SORL1: variants seen among roughly 807,000 people sequenced by gnomAD.
SORL1 encodes the protein sortilin related receptor 1.
In SORL1, 127 loss-of-function variants were observed where a neutral mutation model predicts 273.7. The observed-to-expected ratio is 0.46, with a 90% CI of 0.40 to 0.54. The LOEUF is 0.54. SORL1 is among the 20% of genes least tolerant of loss of function. The pLI, the probability that SORL1 is intolerant of heterozygous loss-of-function variation, is 0.00. For missense variants in SORL1, 2,494 were observed against 2,846.1 expected, an observed-to-expected ratio of 0.88 and a Z score of 2.81; for synonymous variants, 1,031 against 1,067.4, an observed-to-expected ratio of 0.97 and a Z score of 0.66.
Position 121,627,251 on chromosome 11 carries a change from A to G in SORL1, c.6365-304A>G, listed in dbSNP as rs1221970466. On this transcript the variant is annotated intron_variant, in intron 46 of 47. Coordinates refer to ENST00000260197, the MANE Select transcript of SORL1 (RefSeq NM_003105.6). This position sits in a 1 kb window ranked among gnomAD's most constrained non-coding sequence, Gnocchi z 4.9. ...TTAAGTAATAATGCTAATGAAATCA[A>G]TGTTGATACCCCAACAAAGGTCTCC... The G allele has an allele frequency of 1.9e-5, 7 of 360,772 alleles. No homozygotes were observed. The highest frequency in any genetic ancestry group is 4.4e-5 in the Admixed American group (1 of 22,658). 22.3% of individuals were successfully genotyped at this position (360,772 alleles called of 1,614,324 possible). A position where few individuals can be genotyped will look rare whatever the true frequency, so the allele number is the denominator to read the frequency against.
chr11:121,608,523 C>T (rs942759344), intron 38 of SORL1: 1 of 253,086 alleles, frequency 4.0e-6, no homozygotes, highest in Non-Finnish European at 7.6e-6. Flanking sequence ...TGTGCATGTT[C>T]ACTTACGGGG....
Position 121,630,206 on chromosome 11 carries a change from T to C in SORL1, c.*643T>C, listed in dbSNP as rs1863855235. On this transcript the variant is annotated 3_prime_UTR_variant, in exon 48 of 48. Transcript: ENST00000260197. Reference sequence around the variant, plus strand: ...TATTCACTTGTGTGTCATGTAATGGTCTTTGGCAGGAGAGAGCACTGAGTC... The same window carrying C: ...TATTCACTTGTGTGTCATGTAATGGCCTTTGGCAGGAGAGAGCACTGAGTC... The C allele has an allele frequency of 6.6e-6, 1 of 152,504 alleles. No homozygotes were observed. Among genetic ancestry groups the C allele is most frequent in the African/African-American group, 2.4e-5 (1 of 41,436 alleles). The allele number at this position is 152,504 out of a possible 1,614,324, so 9.4% of individuals were successfully genotyped here.
At chr11:121,477,412 C>T (rs1262144285) in intron 2 of SORL1, among the ~76,000 whole-genome samples, 1 of 152,218 alleles carries the variant, frequency 6.6e-6, no homozygotes, top group African/African-American at 2.4e-5. Context: ...CAAAACAAAT[C>T]CTCCGTTCCA....
chr11:121,554,556 C>T lies in SORL1; in HGVS notation c.2439+447C>T, dbSNP rs1296680987. 6.6e-6 allele frequency among the ~76,000 whole-genome samples: 1 copy of T among 152,218 alleles called. No homozygotes were observed. The highest frequency in any genetic ancestry group is 2.4e-5 in the African/African-American group (1 of 41,454). ...GAAGTAAGCATTAAAGAGCCCTGGA[C>T]AGGCCAGGTGGATAGCCATACGCTC... On this transcript the variant is annotated intron_variant, in intron 17 of 47. Coordinates refer to ENST00000260197, the MANE Select transcript of SORL1 (RefSeq NM_003105.6). This position sits in a 1 kb window ranked among gnomAD's most constrained non-coding sequence, Gnocchi z 4.6.
At chr11:121,569,022 G>A (rs1222284054) in intron 22 of SORL1, among the ~76,000 whole-genome samples, 1 of 152,172 alleles carries the variant, frequency 6.6e-6, no homozygotes, top group African/African-American at 2.4e-5. Context: ...GGATTGTGAA[G>A]ATTTTATGGA....
At chr11:121,505,360 G>A (rs2134834082) in intron 6 of SORL1, among the ~76,000 whole-genome samples, 1 of 151,862 alleles carries the variant, frequency 6.6e-6, no homozygotes, top group Middle Eastern at 3.4e-3. Context: ...CTAGCTTGTA[G>A]TCTAGTTTAT....
At chr11:121,508,989 C>T (rs929278931) in intron 6 of SORL1, among the ~76,000 whole-genome samples, 12 of 152,182 alleles carry the variant, frequency 7.9e-5, no homozygotes, top group East Asian at 7.7e-4. Context: ...GACCTCCCCA[C>T]GTGCCCTCAC....
rs1416970633 is a variant in SORL1, at chr11:121,614,949, T to A, written c.5498T>A (p.Phe1833Tyr). 3 of 1,613,688 alleles carry A rather than the reference T, an allele frequency of 1.9e-6. No homozygotes were observed. The highest frequency in any genetic ancestry group is 2.7e-5 in the African/African-American group (2 of 74,880). Residue 1833 changes from phenylalanine (F) to tyrosine (Y), a missense_variant, in exon 41 of 48, where the codon TTT (phenylalanine) becomes TAT (tyrosine). By Grantham distance (22) the Phe-to-Tyr change is conservative. Coordinates refer to ENST00000260197, the MANE Select transcript of SORL1 (RefSeq NM_003105.6). ...KTDLGDSPLA[F>Y]EHVMTRGVRP... ...GACTTGGGGGATAGCCCTCTGGCAT[T>A]TGAGCATGTTATGACCAGAGGGGTT...
chr11:121,624,807 TA>T (rs796759431), intron 45 of SORL1, among the ~76,000 whole-genome samples: 6 of 152,310 alleles, frequency 3.9e-5, no homozygotes, highest in African/African-American at 1.4e-4. Context: ...GTGGCTTTGG[TA>T]AAATGACTTT....
intron 27 of SORL1, among the ~76,000 whole-genome samples, chr11:121,586,693 T>TGGGGGGGGGGGGG (rs376563096): frequency 3.1e-5 from 3 of 97,158 alleles, no homozygotes; most frequent in South Asian, 4.8e-4. Context: ...GGGGGTAGAG[T>TGGGGGGGGGGGGG]GGGGGGGGGG....
chr11:121,552,529 C>T (rs546651488), intron 16 of SORL1, among the ~76,000 whole-genome samples: 2 of 152,154 alleles, frequency 1.3e-5, no homozygotes, highest in Non-Finnish European at 2.9e-5. Flanking sequence ...CTTGCTGCTG[C>T]AAATGTAGCT....
In SORL1 at chr11:121,606,843, A is replaced by G; in HGVS notation, c.4949-2A>G. 6.2e-7 allele frequency: 1 copy of G among 1,611,692 alleles called. No homozygotes were observed. Among genetic ancestry groups the G allele is most frequent in the Non-Finnish European group, 8.5e-7 (1 of 1,178,132 alleles). ...TTAACCTTGAGTTGACTCTTTTTCT[A>G]GTGCCAGATGCCCCTCGAAATCTCC... On this transcript the variant is annotated splice_acceptor_variant, in intron 35 of 47. Transcript: ENST00000260197. LOFTEE classifies it high-confidence loss of function.
At chr11:121,612,132 T>A (rs1863573370) in intron 39 of SORL1, 2 of 152,426 alleles carry the variant, frequency 1.3e-5, no homozygotes, top group African/African-American at 4.8e-5. Flanking sequence ...AGAGTGAGAC[T>A]CTGTCTCAAA....
intron 32 of SORL1, among the ~76,000 whole-genome samples, chr11:121,600,210 C>T (rs947336913): frequency 3.3e-5 from 5 of 152,170 alleles, no homozygotes; most frequent in Non-Finnish European, 5.9e-5. Flanking sequence ...AAAATAACTG[C>T]GATTTTGGTC....
At chr11:121,490,879 A>G (rs909441347) in intron 5 of SORL1, among the ~76,000 whole-genome samples, 7 of 152,232 alleles carry the variant, frequency 4.6e-5, no homozygotes, top group Admixed American at 4.6e-4. Context: ...GAGGTAAGGA[A>G]AGACATTTCA....
intron 2 of SORL1, among the ~76,000 whole-genome samples, chr11:121,470,751 T>C (rs1861155444): frequency 6.6e-6 from 1 of 152,176 alleles, no homozygotes; most frequent in Non-Finnish European, 1.5e-5. Flanking sequence ...CTTGGCTCAC[T>C]GCAACCTCCG....
intron 32 of SORL1, among the ~76,000 whole-genome samples, chr11:121,600,206 A>C (rs1252030716): frequency 6.6e-6 from 1 of 152,206 alleles, no homozygotes; most frequent in Non-Finnish European, 1.5e-5. Context: ...TCTCAAAATA[A>C]CTGCGATTTT....
chr11:121,552,482 G>A, intron 16 of SORL1, among the ~76,000 whole-genome samples: 1 of 152,188 alleles, frequency 6.6e-6, no homozygotes, highest in East Asian at 1.9e-4. Flanking sequence ...GACAGAATGA[G>A]GTTTATAGAT....
chr11:121,583,578 A>C lies in SORL1; in HGVS notation c.3701A>C (p.Asn1234Thr). Reference protein sequence around the residue: ...CQDGSDEDPVNCEKKCNGFRC... With the variant: ...CQDGSDEDPVTCEKKCNGFRC... ...GATGGTTCCGATGAGGATCCAGTCAACTGTGGTAAATGCAAATTCCCCAGC... is the reference window on the plus strand; with the variant it reads ...GATGGTTCCGATGAGGATCCAGTCACCTGTGGTAAATGCAAATTCCCCAGC... Residue 1234 changes from asparagine to threonine, a missense_variant, in exon 26 of 48, where the codon AAC becomes ACC. Asn to Thr is a moderately conservative substitution (Grantham distance 65). Coordinates refer to ENST00000260197, the MANE Select transcript of SORL1 (RefSeq NM_003105.6). 1 of 1,607,176 alleles carries C rather than the reference A, an allele frequency of 6.2e-7. No individual in the cohort carries two copies. The highest frequency in any genetic ancestry group is 8.5e-7 in the Non-Finnish European group (1 of 1,176,790).
Sources: allele counts gnomAD v4.1 joint callset (sites outside exome capture counted in the v4.1 genomes callset), GRCh38; gene constraint gnomAD v4.1.1; non-coding constraint Gnocchi (gnomAD v3.1); transcripts MANE v1.5; gene names NCBI Gene and HGNC (gene_info 2026-07-23, HGNC 2026-07-21).